The following SLC35D4 variants were observed in gnomAD, a reference collection of about 807,000 sequenced individuals.
SLC35D4 encodes the protein solute carrier family 35 member D4.
the SLC35D4 span, among the ~76,000 whole-genome samples, chr18:23,343,005 C>T: frequency 6.6e-6 from 1 of 151,986 alleles, no homozygotes; most frequent in Non-Finnish European, 1.5e-5. Context: ...TCAATGCAAC[C>T]TCCACCTCCT....
the SLC35D4 span, among the ~76,000 whole-genome samples, chr18:23,400,606 G>A: frequency 7.9e-5 from 12 of 152,084 alleles, no homozygotes; most frequent in South Asian, 2.1e-4. Flanking sequence ...CAACCTGGGC[G>A]ACAGAGCAAG....
chr18:23,327,038 C>T, the SLC35D4 span, among the ~76,000 whole-genome samples: 3 of 152,192 alleles, frequency 2.0e-5, no homozygotes, highest in African/African-American at 7.2e-5. Context: ...CTCTGGGACA[C>T]ATTTAAAGCA....
chr18:23,390,862 G>A, the SLC35D4 span, among the ~76,000 whole-genome samples: 1 of 152,144 alleles, frequency 6.6e-6, no homozygotes, highest in South Asian at 2.1e-4. Context: ...CTGACCTCCA[G>A]GTCCTTGTCA....
chr18:23,251,543 G>T, the SLC35D4 span, among the ~76,000 whole-genome samples: 8 of 152,160 alleles, frequency 5.3e-5, no homozygotes, highest in African/African-American at 1.7e-4. Context: ...ATGAACTGGA[G>T]GAAACCCAGA....
At chr18:23,285,790 G>A in the SLC35D4 span, among the ~76,000 whole-genome samples, 2 of 151,950 alleles carry the variant, frequency 1.3e-5, no homozygotes, top group African/African-American at 2.4e-5. Context: ...TCCTCACACC[G>A]GGTCCGGCTT....
At chr18:23,238,971 T>G in the SLC35D4 span, among the ~76,000 whole-genome samples, 1 of 152,210 alleles carries the variant, frequency 6.6e-6, no homozygotes, top group Admixed American at 6.5e-5. Context: ...GGTACACTAT[T>G]TCGATGTTGG....
the SLC35D4 span, among the ~76,000 whole-genome samples, chr18:23,428,349 A>G: frequency 6.6e-6 from 1 of 152,244 alleles, no homozygotes; most frequent in East Asian, 1.9e-4. Flanking sequence ...AAAACAACAT[A>G]CCTTTTGCTC....
At chr18:23,432,222 A>G in the SLC35D4 span, among the ~76,000 whole-genome samples, 1 of 152,236 alleles carries the variant, frequency 6.6e-6, no homozygotes, top group Non-Finnish European at 1.5e-5. Flanking sequence ...CTGTGTGCTT[A>G]GCTTTGGCCT....
chr18:23,321,302 T>C, the SLC35D4 span, among the ~76,000 whole-genome samples: 1 of 152,192 alleles, frequency 6.6e-6, no homozygotes, highest in Non-Finnish European at 1.5e-5. Flanking sequence ...TACTGGCCTG[T>C]CACAAGGTAC....
chr18:23,403,617 G>A, the SLC35D4 span, among the ~76,000 whole-genome samples: 2 of 152,244 alleles, frequency 1.3e-5, no homozygotes, highest in East Asian at 1.9e-4. Context: ...TGCTCTGGCT[G>A]TAGTACGGAG....
At chr18:23,369,820 G>A in the SLC35D4 span, among the ~76,000 whole-genome samples, 1 of 152,170 alleles carries the variant, frequency 6.6e-6, no homozygotes, top group Non-Finnish European at 1.5e-5. Context: ...TGGCTGAATG[G>A]AAGAATCTCA....
At chr18:23,364,933 A>AAAT in the SLC35D4 span, among the ~76,000 whole-genome samples, 1,977 of 15,090 alleles carry the variant, frequency 0.13, 774 homozygotes, top group Non-Finnish European at 0.17. Context: ...AAAAAAAAAA[A>AAAT]GGACTCCTTT....
chr18:23,286,945 C>T, the SLC35D4 span, among the ~76,000 whole-genome samples: 5 of 151,632 alleles, frequency 3.3e-5, no homozygotes, highest in Non-Finnish European at 7.4e-5. Flanking sequence ...CACCTTAACC[C>T]ACAAGTATAA....
chr18:23,335,408 T>C, the SLC35D4 span, among the ~76,000 whole-genome samples: 1 of 152,202 alleles, frequency 6.6e-6, no homozygotes, highest in African/African-American at 2.4e-5. Flanking sequence ...ACACAGGCCA[T>C]AGGTCCTGGC....
the SLC35D4 span, among the ~76,000 whole-genome samples, chr18:23,332,450 A>G: frequency 6.6e-6 from 1 of 152,044 alleles, no homozygotes; most frequent in Non-Finnish European, 1.5e-5. Flanking sequence ...TGGTACTTCT[A>G]AAGCATAAAT....
At chr18:23,399,012 G>A in the SLC35D4 span, among the ~76,000 whole-genome samples, 1 of 152,166 alleles carries the variant, frequency 6.6e-6, no homozygotes, top group African/African-American at 2.4e-5. Context: ...TAATGTATCT[G>A]GAAGTAACTT....
At chr18:23,289,802 T>G in the SLC35D4 span, among the ~76,000 whole-genome samples, 19 of 152,100 alleles carry the variant, frequency 1.2e-4, no homozygotes, top group Non-Finnish European at 2.1e-4. Flanking sequence ...CTTGTGAAAT[T>G]CCTTCTCCTG....
the SLC35D4 span, among the ~76,000 whole-genome samples, chr18:23,386,260 G>A: frequency 6.6e-6 from 1 of 152,048 alleles, no homozygotes; most frequent in Non-Finnish European, 1.5e-5. Flanking sequence ...TGAAGATCTT[G>A]AGACAGGAGA....
chr18:23,269,240 T>C, the SLC35D4 span, among the ~76,000 whole-genome samples: 7 of 152,224 alleles, frequency 4.6e-5, no homozygotes, highest in Non-Finnish European at 8.8e-5. Flanking sequence ...AATTGAATCA[T>C]GGGAGTGGTT....
Sources: allele counts gnomAD v4.1 joint callset (sites outside exome capture counted in the v4.1 genomes callset), GRCh38; gene constraint gnomAD v4.1.1; transcripts MANE v1.5; gene names NCBI Gene and HGNC (gene_info 2026-07-23, HGNC 2026-07-21).